Variants in DLGAP2 observed in about 807,000 individuals in gnomAD.
The protein encoded by DLGAP2 is DLG associated protein 2.
DLGAP2 carries 26 observed loss-of-function variants against 100.3 expected under a neutral mutation model. The ratio of observed to expected loss-of-function variants is 0.26; its 90% CI spans 0.19 to 0.36. DLGAP2 has a LOEUF of 0.36. Ranked by LOEUF, DLGAP2 falls within the 10% of genes least tolerant of loss-of-function variation. The probability of loss-of-function intolerance (pLI) is 1.00; values close to 1 mark genes in which losing one functional copy is unlikely to be tolerated. For missense variants in DLGAP2, 1,858 were observed against 1,453.2 expected, an observed-to-expected ratio of 1.28 and a Z score of -4.53; for synonymous variants, 886 against 630.1, an observed-to-expected ratio of 1.41 and a Z score of -6.08.
At chr8:1,468,780 A>G (rs2130188479) in intron 3 of DLGAP2, among the ~76,000 whole-genome samples, 1 of 152,024 alleles carries the variant, frequency 6.6e-6, no homozygotes, top group East Asian at 1.9e-4. Flanking sequence ...CTGCACTCCC[A>G]CTGCAGGCTC....
At chr8:1,610,085 A>T (rs1301182712) in intron 6 of DLGAP2, among the ~76,000 whole-genome samples, 2 of 151,534 alleles carry the variant, frequency 1.3e-5, no homozygotes, top group African/African-American at 4.8e-5. Flanking sequence ...CAGAATATAC[A>T]TTTTTTTCAG....
intron 3 of DLGAP2, among the ~76,000 whole-genome samples, chr8:1,426,337 G>A (rs1476728581): frequency 6.6e-6 from 1 of 152,224 alleles, no homozygotes; most frequent in Non-Finnish European, 1.5e-5. Flanking sequence ...TCTGCTCAAA[G>A]TCCATCTGGA....
chr8:805,470 C>G (rs1186491314), intron 1 of DLGAP2, among the ~76,000 whole-genome samples: 2 of 152,074 alleles, frequency 1.3e-5, no homozygotes, highest in African/African-American at 2.4e-5. Flanking sequence ...AAAGATCTTC[C>G]CTGAAAATAA....
At chr8:930,780 G>A (rs771861728) in intron 2 of DLGAP2, among the ~76,000 whole-genome samples, 1 of 152,220 alleles carries the variant, frequency 6.6e-6, no homozygotes, top group African/African-American at 2.4e-5. Flanking sequence ...GTGCCAGGCC[G>A]TGGTGCAGAG....
At chr8:1,684,563 C>T (rs1399704319) in intron 12 of DLGAP2, among the ~76,000 whole-genome samples, 1 of 152,014 alleles carries the variant, frequency 6.6e-6, no homozygotes, top group Non-Finnish European at 1.5e-5. Flanking sequence ...TAACACAGTT[C>T]CCCGAACTGA....
chr8:973,650 C>A lies in DLGAP2; in HGVS notation c.73+65684C>A, dbSNP rs1584937509. 2.6e-5 allele frequency among the ~76,000 whole-genome samples: 4 copies of A among 152,382 alleles called. No homozygotes were observed. The East Asian group carries it at 7.7e-4, about 29-fold the overall frequency. ...GTTGTAGTGAGCCGAGATCACGCCACTGCACTCCAGCCTCTGCTTTTTCTC... is the reference window on the plus strand; with the variant it reads ...GTTGTAGTGAGCCGAGATCACGCCAATGCACTCCAGCCTCTGCTTTTTCTC... On this transcript the variant is annotated intron_variant, in intron 2 of 14. Transcript: ENST00000637795.
rs910779596 is a variant in DLGAP2, at chr8:1,316,693, G to A, written c.106+57810G>A. 1.9e-4 allele frequency among the ~76,000 whole-genome samples: 27 copies of A among 141,338 alleles called. 1 individual carries two copies. The highest frequency in any genetic ancestry group is 4.1e-3 in the Middle Eastern group (1 of 242). 92.7% of individuals were successfully genotyped at this position (141,338 alleles called of 152,430 possible). Reference sequence around the variant, plus strand: ...GGCAGCTTTTAAAAATACAGCGTGCGTGAGTGCAGTGTCTATCCCATAGTG... The same window carrying A: ...GGCAGCTTTTAAAAATACAGCGTGCATGAGTGCAGTGTCTATCCCATAGTG... On this transcript the variant is annotated intron_variant, in intron 3 of 14. Transcript: ENST00000637795.
chr8:1,232,104 C>G (rs958585265), intron 2 of DLGAP2, among the ~76,000 whole-genome samples: 1 of 152,150 alleles, frequency 6.6e-6, no homozygotes, highest in African/African-American at 2.4e-5. Context: ...TGAAGAAGGG[C>G]CTGGGATGGT....
intron 12 of DLGAP2, among the ~76,000 whole-genome samples, chr8:1,684,514 C>T (rs540488116): frequency 6.6e-6 from 1 of 152,108 alleles, no homozygotes; most frequent in African/African-American, 2.4e-5. Context: ...ATTGAAATTT[C>T]CATTATATGA....
At chr8:1,101,247 A>G (rs1477873143) in intron 2 of DLGAP2, among the ~76,000 whole-genome samples, 1 of 152,206 alleles carries the variant, frequency 6.6e-6, no homozygotes, top group African/African-American at 2.4e-5. Flanking sequence ...ATTCCTTAAA[A>G]TCCAACAAAG....
chr8:936,119 C>T (rs1287687533), intron 2 of DLGAP2, among the ~76,000 whole-genome samples: 14 of 152,084 alleles, frequency 9.2e-5, no homozygotes, highest in Admixed American at 9.2e-4. Flanking sequence ...TGGAACAGAA[C>T]ACTGTGTACC....
intron 2 of DLGAP2, among the ~76,000 whole-genome samples, chr8:987,502 G>A (rs1233401273): frequency 6.6e-6 from 1 of 152,116 alleles, no homozygotes; most frequent in East Asian, 1.9e-4. Context: ...TCTGCCGGAC[G>A]CCCCCACGAC....
At chr8:1,081,194 C>G (rs1803796321) in intron 2 of DLGAP2, among the ~76,000 whole-genome samples, 1 of 152,122 alleles carries the variant, frequency 6.6e-6, no homozygotes. Context: ...AACAATAACA[C>G]ATATCTCACC....
intron 3 of DLGAP2, among the ~76,000 whole-genome samples, chr8:1,364,701 A>G (rs532878073): frequency 8.6e-4 from 131 of 152,344 alleles, no homozygotes; most frequent in African/African-American, 3.1e-3. Flanking sequence ...GACTCCAATT[A>G]AAGCTTGCGT....
chr8:1,387,622 A>C (rs552824570), intron 3 of DLGAP2, among the ~76,000 whole-genome samples: 3 of 152,332 alleles, frequency 2.0e-5, no homozygotes, highest in African/African-American at 7.2e-5. Flanking sequence ...CCCCACAGAA[A>C]AAGATCAGGT....
chr8:793,875 C>T (rs373113867), intron 1 of DLGAP2, among the ~76,000 whole-genome samples: 71 of 152,326 alleles, frequency 4.7e-4, no homozygotes, highest in African/African-American at 1.4e-3. Context: ...TAACCTGTTA[C>T]GGCTTCTCAG....
At chr8:786,416 A>C (rs998351740) in intron 1 of DLGAP2, among the ~76,000 whole-genome samples, 1 of 152,188 alleles carries the variant, frequency 6.6e-6, no homozygotes, top group Admixed American at 6.5e-5. Context: ...GATTCTCAAA[A>C]GAATGACCGA....
intron 1 of DLGAP2, among the ~76,000 whole-genome samples, chr8:791,555 A>G (rs1323808197): frequency 6.6e-6 from 1 of 152,242 alleles, no homozygotes; most frequent in Non-Finnish European, 1.5e-5. Context: ...ACTGTATAAT[A>G]TGACTATACA....
At chr8:862,524 G>T (rs1294033137) in intron 1 of DLGAP2, among the ~76,000 whole-genome samples, 10 of 151,998 alleles carry the variant, frequency 6.6e-5, no homozygotes, top group African/African-American at 2.2e-4. Flanking sequence ...GGCTGGTCTC[G>T]ATCTCCTGAC....
Sources: allele counts gnomAD v4.1 joint callset (sites outside exome capture counted in the v4.1 genomes callset), GRCh38; gene constraint gnomAD v4.1.1; transcripts MANE v1.5; gene names NCBI Gene and HGNC (gene_info 2026-07-23, HGNC 2026-07-21).